ATP2A3: variants seen among roughly 807,000 people sequenced by gnomAD.
ATP2A3 encodes sarcoplasmic/endoplasmic reticulum calcium ATPase 3.
ATP2A3 carries 61 observed loss-of-function variants against 106.8 expected under a neutral mutation model. The ratio of observed to expected loss-of-function variants is 0.57; its 90% CI spans 0.46 to 0.71. ATP2A3 has a LOEUF of 0.71. Among genes scored for constraint, ATP2A3 ranks in the 30% least tolerant of loss-of-function variants. The probability of loss-of-function intolerance (pLI) is 0.00; values close to 1 mark genes in which losing one functional copy is unlikely to be tolerated. For missense variants in ATP2A3, 1,201 were observed against 1,423.5 expected (o/e 0.84, Z 2.52); for synonymous variants, 611 against 609.3 (o/e 1.00, Z -0.04).
intron 16 of ATP2A3, among the ~76,000 whole-genome samples, chr17:3,935,736 C>T (rs1016295526): frequency 1.3e-5 from 2 of 152,062 alleles, no homozygotes; most frequent in South Asian, 2.1e-4. Flanking sequence ...TGGGGTTTCA[C>T]CACGTTGGCC....
chr17:3,946,427 T>TG (rs2054123189), intron 8 of ATP2A3, among the ~76,000 whole-genome samples: 1 of 152,008 alleles, frequency 6.6e-6, no homozygotes, highest in Non-Finnish European at 1.5e-5. Flanking sequence ...GGTGCATGCC[T>TG]GTCTGTAGTC....
chr17:3,953,377 G>A lies in ATP2A3; in HGVS notation c.189C>T (p.Arg63=). 1.9e-6 allele frequency: 3 copies of A among 1,614,070 alleles called. No homozygotes were observed. The highest frequency in any genetic ancestry group is 2.5e-6 in the Non-Finnish European group (3 of 1,180,018). Residue 63 remains arginine (R), a synonymous_variant, in exon 3 of 21, where the codon CGC becomes CGT. Transcript: ENST00000397041. The surrounding 1 kb of genome is among the most constrained non-coding windows in gnomAD (Gnocchi z 5.1). ...AGACAAGGGCAGCCAGCAGCAGGAT[G>A]CGCACCAGGAGGTCCTCAAACTGTT... ...VLEQFEDLLV[R]ILLLAALVSF...
chr17:3,938,161 C>T (rs190894609), intron 14 of ATP2A3, among the ~76,000 whole-genome samples: 2 of 152,256 alleles, frequency 1.3e-5, no homozygotes, highest in Admixed American at 6.5e-5. Context: ...AGGCCAGGAG[C>T]GGTGGCTCAC....
chr17:3,946,349 A>G (rs542408833), intron 8 of ATP2A3, among the ~76,000 whole-genome samples: 7 of 151,844 alleles, frequency 4.6e-5, no homozygotes, highest in African/African-American at 1.7e-4. Flanking sequence ...GTCAGGAGTT[A>G]TAGACCAGCC....
intron 1 of ATP2A3, among the ~76,000 whole-genome samples, chr17:3,963,428 G>A (rs1460955342): frequency 6.6e-6 from 1 of 152,228 alleles, no homozygotes; most frequent in Admixed American, 6.5e-5. Flanking sequence ...GACAGTACCC[G>A]GTGGCACTCA....
chr17:3,951,543 A>ACCCCCCCCCCCCCCCCCCC (rs56224024), intron 4 of ATP2A3, 38 bp downstream of exon 4: 27 of 1,388,760 alleles, frequency 1.9e-5, no homozygotes, highest in South Asian at 2.5e-5. Flanking sequence ...TGGCTGGGAG[A>ACCCCCCCCCCCCCCCCCCC]CCGCCCCCCG....
chr17:3,937,521 T>A lies in ATP2A3; in HGVS notation c.2216A>T (p.Asn739Ile). ...CACCGCAGCCACGATGGAGGCAAAG[T>A]TGTCATCTGACAGCACCATCTCTGC... ...SAAEMVLSDD[N>I]FASIVAAVEE... The change falls in exon 15 of 21, where the codon AAC becomes ATC. Residue 739 changes from asparagine to isoleucine, a missense_variant. Physicochemically the swap from Asn to Ile is moderately radical, Grantham distance 149 (BLOSUM62 -3). Transcript: ENST00000397041. The A allele has an allele frequency of 6.2e-7, 1 of 1,614,060 alleles. No individual in the cohort carries two copies. The highest frequency in any genetic ancestry group is 8.5e-7 in the Non-Finnish European group (1 of 1,179,990).
rs573164551 is a variant in ATP2A3 at position 3,951,293 on chromosome 17, G to C, written c.421C>G (p.Arg141Gly). ...TCCCCTGGGACGATGTCCCGGGCACGGATCCTCTGCACGCCCTTGCGGTCC... is the reference window on the plus strand; with the variant it reads ...TCCCCTGGGACGATGTCCCGGGCACCGATCCTCTGCACGCCCTTGCGGTCC... ...RSDRKGVQRIRARDIVPGDIV... is the reference protein window; with the variant it reads ...RSDRKGVQRIGARDIVPGDIV... Residue 141 changes from arginine (R) to glycine (G), a missense_variant, in exon 5 of 21, where the codon CGT (arginine) becomes GGT (glycine). By Grantham distance (125) the Arg-to-Gly change is moderately radical. Transcript: ENST00000397041. 6.2e-7 allele frequency: 1 copy of C among 1,613,798 alleles called. No homozygotes were observed. The highest frequency in any genetic ancestry group is 1.3e-5 in the African/African-American group (1 of 75,074).
intron 9 of ATP2A3, 118 bp downstream of exon 9, chr17:3,944,942 C>T (rs2054018942): frequency 7.5e-7 from 1 of 1,335,338 alleles, no homozygotes; most frequent in Admixed American, 3.1e-5. Flanking sequence ...GGCCCCGCCC[C>T]GGGAGAGGCT....
rs760752188 is a variant in ATP2A3, at chr17:3,958,773, TACAC to T, written c.119-5067_119-5064del. ...ACATATATATACACACACATATATA[TACAC>T]ACACATATATATACACATATATATA... On this transcript the variant is annotated intron_variant, in intron 1 of 20. Coordinates refer to ENST00000397041, the MANE Select transcript of ATP2A3 (RefSeq NM_005173.4). 7.5e-4 allele frequency among the ~76,000 whole-genome samples: 99 copies of T among 131,716 alleles called. 2 individuals carry two copies. The highest frequency in any genetic ancestry group is 2.8e-3 in the African/African-American group (92 of 32,706). 86.4% of individuals were successfully genotyped at this position (131,716 alleles called of 152,430 possible). A position where few individuals can be genotyped will look rare whatever the true frequency, so the allele number is the denominator to read the frequency against.
chr17:3,951,806 C>T, intron 3 of ATP2A3, 121 bp from the exon 4 acceptor site: 1 of 1,052,716 alleles, frequency 9.5e-7, no homozygotes, highest in Non-Finnish European at 1.4e-6. Context: ...CTGGGGAGCT[C>T]TTGGCTTGGA....
chr17:3,935,753 G>A (rs1314038140), intron 16 of ATP2A3, among the ~76,000 whole-genome samples: 1 of 151,898 alleles, frequency 6.6e-6, no homozygotes, highest in Non-Finnish European at 1.5e-5. Context: ...GGCCAGGCTG[G>A]TCTCAAACTC....
rs772882162 is a variant in ATP2A3, at chr17:3,947,676, G to A, written c.810C>T (p.Ala270=). ...LSHAISVICV[A]VWVINIGHFA... is the part of the protein sequence containing the mutation. ...AGTGGCCGATGTTGATGACCCACAC[G>A]GCCACGCAGATCACAGAGATGGCGT... The change falls in exon 8 of 21, where the codon GCC becomes GCT. Residue 270 remains alanine (A), a synonymous_variant. Transcript: ENST00000397041. The surrounding 1 kb of genome is among the most constrained non-coding windows in gnomAD (Gnocchi z 7.7). The A allele has an allele frequency of 4.3e-6, 7 of 1,612,170 alleles. No individual in the cohort carries two copies. The highest frequency in any genetic ancestry group is 2.2e-5 in the East Asian group (1 of 44,870).
intron 14 of ATP2A3, among the ~76,000 whole-genome samples, chr17:3,940,155 C>G (rs1330984932): frequency 1.3e-5 from 2 of 150,024 alleles, no homozygotes; most frequent in Non-Finnish European, 2.9e-5. Flanking sequence ...GCCACCATGC[C>G]TGGCATTTTC....
chr17:3,941,513 C>T lies in ATP2A3; in HGVS notation c.1687G>A (p.Ala563Thr). ...GSGSDTLRCL[A>T]LATRDAPPRK... ...GGGGGCGCGTCCCGGGTGGCCAGTG[C>T]CAGGCAGCGCAGCGTGTCTGAGCCT... Residue 563 changes from alanine (A) to threonine (T), a missense_variant, in exon 13 of 21, where the codon GCA becomes ACA. Around this residue, in one of 2 missense-constraint regions of ATP2A3, gnomAD observed 935 missense variants for 1,176.7 expected, o/e 0.79. Transcript: ENST00000397041. 1 of 1,613,794 alleles carries T rather than the reference C, an allele frequency of 6.2e-7. No individual in the cohort carries two copies. The highest frequency in any genetic ancestry group is 2.2e-5 in the East Asian group (1 of 44,890).
In ATP2A3 at chr17:3,947,471, C is replaced by T. The variant is rs1263674493; in HGVS notation, c.1015G>A (p.Val339Met). The T allele has an allele frequency of 8.1e-6, 13 of 1,613,716 alleles. No homozygotes were observed. The highest frequency in any genetic ancestry group is 1.7e-5 in the Admixed American group (1 of 60,016). Residue 339 changes from valine to methionine, a missense_variant, in exon 8 of 21, where the codon GTG becomes ATG. Around this residue, in one of 2 missense-constraint regions of ATP2A3, gnomAD observed 935 missense variants for 1,176.7 expected, o/e 0.79. Coordinates refer to ENST00000397041, the MANE Select transcript of ATP2A3 (RefSeq NM_005173.4). The surrounding 1 kb of genome is among the most constrained non-coding windows in gnomAD (Gnocchi z 7.7). ...KNAIVRSLPS[V>M]ETLGCTSVIC... ...ACTGAGGTGCAGCCCAGGGTCTCCA[C>T]GGACGGCAGGCTTCGCACGATGGCG... is the stretch of plus-strand genomic sequence containing the variant.
chr17:3,950,820 A>G (rs781538866), intron 5 of ATP2A3, 47 bp from the exon 6 acceptor site: 2 of 1,575,874 alleles, frequency 1.3e-6, no homozygotes, highest in African/African-American at 2.7e-5. Flanking sequence ...GGGCACCACC[A>G]GCTGGGAAAA....
Position 3,943,511 on chromosome 17 carries a change from C to T in ATP2A3, c.1299G>A (p.Val433=). 4 of 1,614,090 alleles carry T rather than the reference C, an allele frequency of 2.5e-6. No homozygotes were observed. The highest frequency in any genetic ancestry group is 3.4e-6 in the Non-Finnish European group (4 of 1,179,952). Residue 433 remains valine, a synonymous_variant, in exon 11 of 21, where the codon GTG becomes GTA. Coordinates refer to ENST00000397041, the MANE Select transcript of ATP2A3 (RefSeq NM_005173.4). ...SALDYNEAKG[V]YEKVGEATET... is the part of the protein sequence containing the mutation. ...CCGTGGCCTCTCCCACCTTCTCATA[C>T]ACACCCTTGGCCTGGCAAGGACCCA...
In ATP2A3 at chr17:3,936,120, C is replaced by A; in HGVS notation, c.2524+147G>T. On this transcript the variant is annotated intron_variant, in intron 16 of 20. Transcript: ENST00000397041. The surrounding 1 kb of genome is among the most constrained non-coding windows in gnomAD (Gnocchi z 5.4). ...GCCAGTGATACTGAGACCCAGATCCCGCCATGCCTGGTCTTTTCCATTACA... is the reference window on the plus strand; with the variant it reads ...GCCAGTGATACTGAGACCCAGATCCAGCCATGCCTGGTCTTTTCCATTACA... 1 of 1,064,940 alleles carries A rather than the reference C, an allele frequency of 9.4e-7. No homozygotes were observed. The highest frequency in any genetic ancestry group is 2.6e-5 in the East Asian group (1 of 39,166). The allele number at this position is 1,064,940 out of a possible 1,614,324, so 66.0% of individuals were successfully genotyped here.
Sources: allele counts gnomAD v4.1 joint callset (sites outside exome capture counted in the v4.1 genomes callset), GRCh38; gene constraint gnomAD v4.1.1; regional missense constraint gnomAD v4.1.1; non-coding constraint Gnocchi (gnomAD v3.1); transcripts MANE v1.5; gene names NCBI Gene and HGNC (gene_info 2026-07-23, HGNC 2026-07-21).